KIFBP: variants seen among roughly 807,000 people sequenced by gnomAD.
The protein encoded by KIFBP is KIF-binding protein.
Under a neutral mutation model 58.9 loss-of-function variants are expected in KIFBP, and 46 were observed. That is an observed-to-expected ratio of 0.78 (90% CI 0.62 to 1.00). The LOEUF is 1.00. Among genes scored for constraint, KIFBP ranks in the 50% least tolerant of loss-of-function variants. KIFBP has a pLI of 0.00. For synonymous variants in KIFBP, 241 were observed against 283.4 expected, an observed-to-expected ratio of 0.85 and a Z score of 1.50; for missense variants, 651 against 752.9, an observed-to-expected ratio of 0.86 and a Z score of 1.58.
At chr10:69,008,391 A>AAAAAAAAAAAAAAAATATAT in intron 4 of KIFBP, among the ~76,000 whole-genome samples, 2 of 71,614 alleles carry the variant, frequency 2.8e-5, no homozygotes, top group African/African-American at 1.6e-4. Context: ...AAAAAAAAAA[A>AAAAAAAAAAAAAAAATATAT]ATATATATAT....
chr10:69,007,154 C>G (rs1211707488), intron 4 of KIFBP, among the ~76,000 whole-genome samples: 3 of 152,070 alleles, frequency 2.0e-5, no homozygotes, highest in Non-Finnish European at 4.4e-5. Flanking sequence ...ACTAAGATAT[C>G]TAGATATTAA....
intron 1 of KIFBP, chr10:68,991,544 C>A: frequency 2.3e-6 from 1 of 439,360 alleles, no homozygotes; most frequent in Non-Finnish European, 4.8e-6. Flanking sequence ...CTTGACAAAG[C>A]TAAGGCATTG....
intron 1 of KIFBP, among the ~76,000 whole-genome samples, chr10:68,990,907 A>G (rs576128301): frequency 6.6e-6 from 1 of 152,322 alleles, no homozygotes; most frequent in South Asian, 2.1e-4. Context: ...ATTATTAAAA[A>G]TAATAATTTA....
chr10:68,989,150 C>T lies in KIFBP; in HGVS notation c.318C>T (p.Ile106=), dbSNP rs1248105995. 1.2e-6 allele frequency: 2 copies of T among 1,613,070 alleles called. No homozygotes were observed. Among genetic ancestry groups the T allele is most frequent in the Non-Finnish European group, 1.7e-6 (2 of 1,179,428 alleles). The part of the protein sequence containing the change: ...VIEFHLGVNH[I]DTEELSAGEE... ...AGTTCCACCTCGGGGTGAACCACATCGACACGGAGGAGCTGTCGGCGGGGG... is the reference window on the plus strand; with the variant it reads ...AGTTCCACCTCGGGGTGAACCACATTGACACGGAGGAGCTGTCGGCGGGGG... Residue 106 remains isoleucine (I), a synonymous_variant, in exon 1 of 7, where the codon ATC becomes ATT. Coordinates refer to ENST00000361983, the MANE Select transcript of KIFBP (RefSeq NM_015634.4).
chr10:68,995,509 G>T (rs571178466), intron 1 of KIFBP, among the ~76,000 whole-genome samples: 1 of 152,064 alleles, frequency 6.6e-6, no homozygotes, highest in Non-Finnish European at 1.5e-5. Context: ...TGGTCGTAGC[G>T]TATTCTTTTT....
intron 1 of KIFBP, among the ~76,000 whole-genome samples, chr10:68,990,359 G>A (rs1051816119): frequency 1.3e-5 from 2 of 151,942 alleles, no homozygotes; most frequent in African/African-American, 2.4e-5. Context: ...GTGAGACTCT[G>A]TCTCTTAAAC....
chr10:68,992,272 G>A (rs868824945), intron 1 of KIFBP, among the ~76,000 whole-genome samples: 1 of 152,142 alleles, frequency 6.6e-6, no homozygotes, highest in Non-Finnish European at 1.5e-5. Flanking sequence ...GGGATTACCA[G>A]TATAAGCCAC....
At chr10:69,007,485 T>A (rs2132114551) in intron 4 of KIFBP, 1 of 152,308 alleles carries the variant, frequency 6.6e-6, no homozygotes, top group South Asian at 2.1e-4. Context: ...CTAGCAGTGG[T>A]TGCTCACAGG....
At chr10:69,013,988 C>T (rs754456451) in intron 6 of KIFBP, among the ~76,000 whole-genome samples, 4 of 152,062 alleles carry the variant, frequency 2.6e-5, no homozygotes, top group Admixed American at 6.6e-5. Flanking sequence ...TGAGCTCAAG[C>T]GATCCACCCA....
rs372223602 is a variant in KIFBP at position 68,988,948 on chromosome 10, C to G, written c.116C>G (p.Ala39Gly). The part of the protein sequence containing the change: ...EKEPYKSKYS[A>G]RALLEEVKAL... ...GAACCATACAAGTCCAAATACAGCG[C>G]CCGGGCGCTACTGGAAGAGGTCAAG... Residue 39 changes from alanine to glycine, a missense_variant, in exon 1 of 7, where the codon GCC becomes GGC. By Grantham distance (60) the Ala-to-Gly change is moderately conservative. Coordinates refer to ENST00000361983, the MANE Select transcript of KIFBP (RefSeq NM_015634.4). 2.4e-5 allele frequency: 38 copies of G among 1,614,236 alleles called. No homozygotes were observed. The African/African-American group carries it at 3.7e-4, about 16-fold the overall frequency.
chr10:69,011,683 CTTTTTTTT>C (rs34786287), intron 6 of KIFBP, among the ~76,000 whole-genome samples: 4 of 42,512 alleles, frequency 9.4e-5, no homozygotes, highest in African/African-American at 2.0e-4. Flanking sequence ...TGTGCCTAAT[CTTTTTTTT>C]TTTTTTTTTT....
chr10:68,997,752 A>G (rs1843421888), intron 1 of KIFBP, among the ~76,000 whole-genome samples: 1 of 152,084 alleles, frequency 6.6e-6, no homozygotes, highest in Admixed American at 6.6e-5. Context: ...TTGATGATAG[A>G]CAGTGCTTGG....
In KIFBP at chr10:69,003,266, G is replaced by T. The variant is rs185752889; in HGVS notation, c.526-1780G>T. On this transcript the variant is annotated intron_variant, in intron 2 of 6. Coordinates refer to ENST00000361983, the MANE Select transcript of KIFBP (RefSeq NM_015634.4). Reference sequence around the variant, plus strand: ...TATATTGATTAATTCCCCTCATCTAGACAGGGGTAAGCATGGTAAGCAGCC... The same window carrying T: ...TATATTGATTAATTCCCCTCATCTATACAGGGGTAAGCATGGTAAGCAGCC... Among the ~76,000 whole-genome samples the T allele has an allele frequency of 7.6e-4, 115 of 152,140 alleles. 1 individual carries two copies. Among genetic ancestry groups the T allele is most frequent in the South Asian group, 1.7e-3 (8 of 4,826 alleles).
chr10:68,993,240 C>T (rs568280970), intron 1 of KIFBP, among the ~76,000 whole-genome samples: 1 of 152,256 alleles, frequency 6.6e-6, no homozygotes, highest in East Asian at 1.9e-4. Flanking sequence ...CTCCTTCCCA[C>T]ACTTACTGAC....
chr10:69,007,199 T>C (rs547850932), intron 4 of KIFBP, among the ~76,000 whole-genome samples: 18 of 152,368 alleles, frequency 1.2e-4, no homozygotes, highest in African/African-American at 3.6e-4. Flanking sequence ...TAAGCATTAC[T>C]TATGTGGAGC....
Position 69,008,876 on chromosome 10 carries a change from T to C in KIFBP, c.825T>C (p.Ala275=). Residue 275 remains alanine, a synonymous_variant, in exon 5 of 7, where the codon GCT becomes GCC. Transcript: ENST00000361983. ...CFMEARHCLS[A]ANVIFGQTGK... is the part of the protein sequence containing the mutation. ...TGGAGGCCAGGCACTGTTTATCAGCTGCTAATGTCATTTTTGGTCAAACTG... is the reference window on the plus strand; with the variant it reads ...TGGAGGCCAGGCACTGTTTATCAGCCGCTAATGTCATTTTTGGTCAAACTG... 6.2e-7 allele frequency: 1 copy of C among 1,613,882 alleles called. No individual in the cohort carries two copies. The highest frequency in any genetic ancestry group is 8.5e-7 in the Non-Finnish European group (1 of 1,179,852).
rs1157113963 is a variant in KIFBP, at chr10:69,000,474, G to A, written c.477G>A (p.Gln159=). Residue 159 remains glutamine (Q), a synonymous_variant, in exon 2 of 7, where the codon CAG becomes CAA. Coordinates refer to ENST00000361983, the MANE Select transcript of KIFBP (RefSeq NM_015634.4). ...WSEREEIETA[Q]AYLESSEALY... ...AAAGAGAAGAAATTGAAACTGCACA[G>A]GCTTACCTAGAGTCATCAGAAGCAC... 6.2e-7 allele frequency: 1 copy of A among 1,612,508 alleles called. No homozygotes were observed. The highest frequency in any genetic ancestry group is 2.2e-5 in the East Asian group (1 of 44,820).
chr10:68,992,147 C>T (rs1300928048), intron 1 of KIFBP, among the ~76,000 whole-genome samples: 1 of 152,100 alleles, frequency 6.6e-6, no homozygotes, highest in Non-Finnish European at 1.5e-5. Context: ...GTGCCTGCCA[C>T]CATGCCCAGC....
rs1164355898 is a variant in KIFBP at position 69,004,219 on chromosome 10, CAAAAAAAAAAAAA to C, written c.526-816_526-804del. On this transcript the variant is annotated intron_variant, in intron 2 of 6. Coordinates refer to ENST00000361983, the MANE Select transcript of KIFBP (RefSeq NM_015634.4). Reference sequence around the variant, plus strand: ...TGGCAAAAGAGCGAGACTCCATCTCCAAAAAAAAAAAAAAAAAAAAAAACTTAAAGAGGCTGGG... The same window carrying C: ...TGGCAAAAGAGCGAGACTCCATCTCCAAAAAAAAAACTTAAAGAGGCTGGG... Among the ~76,000 whole-genome samples the C allele has an allele frequency of 1.6e-3, 124 of 79,496 alleles. No homozygotes were observed. In the East Asian group the frequency reaches 0.022, roughly 14 times the overall value. The allele number at this position is 79,496 out of a possible 152,430, so 52.2% of individuals were successfully genotyped here. A position where few individuals can be genotyped will look rare whatever the true frequency, so the allele number is the denominator to read the frequency against.
Sources: gnomAD v4.1 joint callset for allele counts (sites outside exome capture counted in the v4.1 genomes callset) on GRCh38, gnomAD v4.1.1 for gene constraint, MANE v1.5 for transcripts, NCBI Gene and HGNC (gene_info 2026-07-23, HGNC 2026-07-21) for gene names.